Variants in ZFAND3 observed in about 807,000 individuals in gnomAD.
ZFAND3 encodes AN1-type zinc finger protein 3.
A neutral mutation model predicts 29.6 loss-of-function variants in ZFAND3; 10 were observed. The ratio of observed to expected loss-of-function variants is 0.34; its 90% CI spans 0.21 to 0.57. The LOEUF (loss-of-function observed/expected upper bound fraction) is 0.57. ZFAND3 is among the 20% of genes least tolerant of loss of function. The pLI is 0.86. For missense variants in ZFAND3, 230 were observed against 304.5 expected (o/e 0.76, Z 1.82); for synonymous variants, 128 against 112.6 (o/e 1.14, Z -0.87).
At chr6:38,107,556 G>T (rs1765233000) in intron 4 of ZFAND3, among the ~76,000 whole-genome samples, 1 of 152,198 alleles carries the variant, frequency 6.6e-6, no homozygotes, top group Non-Finnish European at 1.5e-5. Context: ...TTCCTGCCAG[G>T]CACAGTGGCT....
intron 2 of ZFAND3, among the ~76,000 whole-genome samples, chr6:38,013,000 A>T (rs1763185642): frequency 6.6e-6 from 1 of 152,186 alleles, no homozygotes. Flanking sequence ...AGGATTATGG[A>T]TGATTTTATT....
intron 1 of ZFAND3, among the ~76,000 whole-genome samples, chr6:37,851,923 A>C (rs1764288641): frequency 1.3e-5 from 2 of 152,204 alleles, no homozygotes; most frequent in South Asian, 4.1e-4. Flanking sequence ...TGATTCTTTA[A>C]AGGCACAGAA....
chr6:38,021,618 A>G (rs1384185019), intron 2 of ZFAND3, among the ~76,000 whole-genome samples: 2 of 152,252 alleles, frequency 1.3e-5, no homozygotes, highest in Non-Finnish European at 1.5e-5. Context: ...TTGCAGTACC[A>G]TAATCTGTCT....
At chr6:37,893,918 A>G (rs1271846451) in intron 1 of ZFAND3, among the ~76,000 whole-genome samples, 3 of 151,772 alleles carry the variant, frequency 2.0e-5, no homozygotes, top group African/African-American at 7.3e-5. Context: ...ACTTCTCCAT[A>G]TGTTATAAAA....
At chr6:37,940,429 A>G (rs1037977126) in intron 2 of ZFAND3, among the ~76,000 whole-genome samples, 3 of 152,258 alleles carry the variant, frequency 2.0e-5, no homozygotes, top group African/African-American at 7.2e-5. Flanking sequence ...CCATTAATGT[A>G]TGACTAAAAT....
intron 4 of ZFAND3, 101 bp from the exon 5 acceptor site, chr6:38,116,469 AAG>A (rs1416975549): frequency 1.5e-6 from 2 of 1,359,302 alleles, no homozygotes; most frequent in African/African-American, 2.9e-5. Context: ...ATTCCTGGAC[AAG>A]GGCAGTAGCC....
chr6:38,051,182 C>G (rs2127460073), intron 2 of ZFAND3, among the ~76,000 whole-genome samples: 1 of 152,246 alleles, frequency 6.6e-6, no homozygotes, highest in East Asian at 1.9e-4. Context: ...TTTTCCCAGT[C>G]CCACCACCAT....
At chr6:37,901,223 C>T (rs542187183) in intron 1 of ZFAND3, among the ~76,000 whole-genome samples, 4 of 152,004 alleles carry the variant, frequency 2.6e-5, no homozygotes, top group African/African-American at 9.7e-5. Context: ...ATATTCCTAC[C>T]GATAGCATAT....
intron 1 of ZFAND3, among the ~76,000 whole-genome samples, chr6:37,870,281 C>G (rs1354262022): frequency 9.6e-6 from 1 of 104,132 alleles, no homozygotes; most frequent in Middle Eastern, 8.6e-3. Flanking sequence ...GGCGACAGAG[C>G]GAGACTGTCT....
intron 2 of ZFAND3, among the ~76,000 whole-genome samples, chr6:37,950,183 T>C (rs988742560): frequency 3.9e-5 from 6 of 152,326 alleles, no homozygotes; most frequent in African/African-American, 1.4e-4. Context: ...TGCAATTGCT[T>C]TTACAGTCTG....
chr6:37,985,532 C>CG (rs1762656941), intron 2 of ZFAND3, among the ~76,000 whole-genome samples: 2 of 150,186 alleles, frequency 1.3e-5, no homozygotes, highest in South Asian at 4.2e-4. Flanking sequence ...CACACACCCC[C>CG]ACACACGCCT....
intron 5 of ZFAND3, chr6:38,142,169 A>T (rs1765970820): frequency 2.1e-6 from 1 of 470,936 alleles, no homozygotes; most frequent in African/African-American, 2.0e-5. Flanking sequence ...TCCCTACCCC[A>T]GTTTCTCATC....
intron 2 of ZFAND3, among the ~76,000 whole-genome samples, chr6:37,932,226 G>A (rs951312213): frequency 4.6e-5 from 7 of 151,052 alleles, no homozygotes; most frequent in African/African-American, 1.7e-4. Context: ...CCGAGATCAC[G>A]CCACTGCACT....
chr6:37,838,109 A>G (rs1443315887), intron 1 of ZFAND3, among the ~76,000 whole-genome samples: 1 of 152,184 alleles, frequency 6.6e-6, no homozygotes, highest in Non-Finnish European at 1.5e-5. Flanking sequence ...ACCCAGAAAC[A>G]TTAGAAAGTT....
chr6:37,921,921 G>A (rs1046084418), intron 1 of ZFAND3, among the ~76,000 whole-genome samples: 3 of 150,960 alleles, frequency 2.0e-5, no homozygotes, highest in Non-Finnish European at 3.0e-5. Flanking sequence ...AAAATTAGCT[G>A]AGTGTGGTGG....
At chr6:38,002,242 A>G (rs1762961307) in intron 2 of ZFAND3, among the ~76,000 whole-genome samples, 2 of 152,094 alleles carry the variant, frequency 1.3e-5, no homozygotes, top group South Asian at 4.2e-4. Context: ...ACCCTCAGGA[A>G]GCTTATAGTT....
intron 2 of ZFAND3, among the ~76,000 whole-genome samples, chr6:38,014,982 A>G (rs1763229147): frequency 6.6e-6 from 1 of 152,210 alleles, no homozygotes; most frequent in Non-Finnish European, 1.5e-5. Flanking sequence ...TAGATCGTTT[A>G]ATTTTAACCT....
intron 5 of ZFAND3, among the ~76,000 whole-genome samples, chr6:38,138,093 G>T (rs550685615): frequency 6.6e-6 from 1 of 152,062 alleles, no homozygotes; most frequent in East Asian, 1.9e-4. Flanking sequence ...GGGAGTATCA[G>T]TTGAGCTCAG....
intron 2 of ZFAND3, among the ~76,000 whole-genome samples, chr6:37,986,287 A>G (rs578020819): frequency 7.2e-5 from 11 of 151,894 alleles, no homozygotes; most frequent in Non-Finnish European, 1.0e-4. Flanking sequence ...TACTTTACTC[A>G]CTTACATTAC....
Sources: allele counts gnomAD v4.1 joint callset (sites outside exome capture counted in the v4.1 genomes callset), GRCh38; gene constraint gnomAD v4.1.1; transcripts MANE v1.5; gene names NCBI Gene and HGNC (gene_info 2026-07-23, HGNC 2026-07-21).